The following CDH12 variants were observed in gnomAD, a reference collection of about 807,000 sequenced individuals.
The protein encoded by CDH12 is cadherin 12, also known as cadherin-12.
CDH12 carries 41 observed loss-of-function variants against 74.1 expected under a neutral mutation model. The ratio of observed to expected loss-of-function variants is 0.55; its 90% CI spans 0.43 to 0.72. The LOEUF is 0.72. Among genes scored for constraint, CDH12 ranks in the 30% least tolerant of loss-of-function variants. The pLI is 0.00. For missense variants in CDH12, 945 were observed against 977.2 expected (o/e 0.97, Z 0.44); for synonymous variants, 399 against 355.0 (o/e 1.12, Z -1.39).
chr5:22,772,685 A>G (rs146731412), intron 1 of CDH12, among the ~76,000 whole-genome samples: 6 of 152,202 alleles, frequency 3.9e-5, no homozygotes, highest in Non-Finnish European at 7.4e-5. Context: ...ATGAGAGCAA[A>G]ATTTTACGCA....
intron 3 of CDH12, among the ~76,000 whole-genome samples, chr5:22,363,186 T>C (rs947106327): frequency 3.9e-5 from 6 of 152,106 alleles, no homozygotes; most frequent in African/African-American, 1.4e-4. Flanking sequence ...AATTGGTAAC[T>C]AAAGTAAAAT....
chr5:22,781,694 T>C (rs1030021713), intron 1 of CDH12, among the ~76,000 whole-genome samples: 10 of 152,292 alleles, frequency 6.6e-5, no homozygotes, highest in South Asian at 4.1e-4. Context: ...AATCTATTAA[T>C]TTCCCCTGCT....
In CDH12 at chr5:22,639,167, A is replaced by AAGGATACTTC. The variant is rs1299403783; in HGVS notation, c.-522-133813_-522-133804dup. On this transcript the variant is annotated intron_variant, in intron 1 of 14. Coordinates refer to ENST00000382254, the MANE Select transcript of CDH12 (RefSeq NM_004061.5). ...GTTAGCTATGAAGAGGATTAGTGGA[A>AAGGATACTTC]AGGATACTTCAGGGACTGAGGATAG... 2.0e-5 allele frequency among the ~76,000 whole-genome samples: 3 copies of AAGGATACTTC among 151,536 alleles called. No individual in the cohort carries two copies. In the East Asian group the frequency reaches 5.8e-4, roughly 29 times the overall value.
At position 22,175,314 on chromosome 5, in the gene CDH12, A is replaced by G. The variant is rs561193367; in HGVS notation, c.-187+37184T>C. Among the ~76,000 whole-genome samples the G allele has an allele frequency of 4.6e-5, 7 of 151,880 alleles. No homozygotes were observed. In the South Asian group the frequency reaches 1.5e-3, roughly 31 times the overall value. On this transcript the variant is annotated intron_variant, in intron 4 of 14. Transcript: ENST00000382254. ...TTTTCTTCTTCACAAATAGTAAACCATCTATCCATGTCAGATGTAGAAAAA... is the reference window on the plus strand; with the variant it reads ...TTTTCTTCTTCACAAATAGTAAACCGTCTATCCATGTCAGATGTAGAAAAA...
intron 2 of CDH12, among the ~76,000 whole-genome samples, chr5:22,489,958 G>A (rs905742745): frequency 6.6e-6 from 1 of 152,114 alleles, no homozygotes; most frequent in African/African-American, 2.4e-5. Flanking sequence ...GGGATTACAG[G>A]TGTGAGACAC....
intron 1 of CDH12, among the ~76,000 whole-genome samples, chr5:22,667,336 C>G (rs887384036): frequency 1.3e-5 from 2 of 152,132 alleles, no homozygotes; most frequent in East Asian, 3.9e-4. Flanking sequence ...GATGGTAGCT[C>G]CTTCTTGCTA....
intron 6 of CDH12, among the ~76,000 whole-genome samples, chr5:21,962,877 G>A (rs377575682): frequency 1.3e-5 from 2 of 152,148 alleles, no homozygotes; most frequent in Non-Finnish European, 2.9e-5. Context: ...TGTTACTACT[G>A]ATATCTTATT....
At chr5:22,576,811 G>C (rs560229591) in intron 1 of CDH12, among the ~76,000 whole-genome samples, 19 of 152,214 alleles carry the variant, frequency 1.2e-4, no homozygotes, top group African/African-American at 4.6e-4. Flanking sequence ...ATTGGGAGTA[G>C]AGACATGGTA....
chr5:22,607,335 C>T (rs1476465544), intron 1 of CDH12, among the ~76,000 whole-genome samples: 1 of 152,130 alleles, frequency 6.6e-6, no homozygotes, highest in Non-Finnish European at 1.5e-5. Flanking sequence ...CCATTTCACA[C>T]TGCTGATAAA....
chr5:22,267,381 T>A (rs917344195), intron 3 of CDH12, among the ~76,000 whole-genome samples: 10 of 152,146 alleles, frequency 6.6e-5, no homozygotes, highest in Non-Finnish European at 8.8e-5. Flanking sequence ...GATAAACATT[T>A]ATGATTAGTG....
chr5:22,744,824 TG>T (rs1335385101), intron 1 of CDH12, among the ~76,000 whole-genome samples: 1 of 152,060 alleles, frequency 6.6e-6, no homozygotes, highest in Non-Finnish European at 1.5e-5. Flanking sequence ...CATGATAGAG[TG>T]CCCTTACCAG....
intron 5 of CDH12, among the ~76,000 whole-genome samples, chr5:22,053,519 C>A (rs1331656866): frequency 6.6e-6 from 1 of 150,720 alleles, no homozygotes; most frequent in African/African-American, 2.5e-5. Flanking sequence ...ATCACGGTGG[C>A]TGCCATTCTG....
At chr5:22,226,177 T>C (rs34098235) in intron 3 of CDH12, among the ~76,000 whole-genome samples, 57,618 of 151,364 alleles carry the variant, frequency 0.38, 11,352 homozygotes, top group East Asian at 0.49. Flanking sequence ...AGGGCGGACC[T>C]CTCTATTCTC....
intron 2 of CDH12, among the ~76,000 whole-genome samples, chr5:22,425,172 AAT>A (rs1491328055): frequency 1.2e-4 from 10 of 83,436 alleles, no homozygotes; most frequent in Non-Finnish European, 2.0e-4. Context: ...TATATATATA[AAT>A]ATATATATAT....
chr5:22,271,873 T>A (rs532178156), intron 3 of CDH12, among the ~76,000 whole-genome samples: 7 of 152,224 alleles, frequency 4.6e-5, no homozygotes, highest in African/African-American at 1.7e-4. Context: ...ATGCTATCAC[T>A]CAGATTTTGT....
chr5:22,339,094 G>T (rs181677437), intron 3 of CDH12, among the ~76,000 whole-genome samples: 1 of 152,190 alleles, frequency 6.6e-6, no homozygotes, highest in Non-Finnish European at 1.5e-5. Flanking sequence ...CAGCCAAGCT[G>T]CACCCAGACT....
intron 5 of CDH12, among the ~76,000 whole-genome samples, chr5:22,053,752 C>G (rs1477209076): frequency 6.6e-6 from 1 of 152,100 alleles, no homozygotes; most frequent in Non-Finnish European, 1.5e-5. Flanking sequence ...GTAATTATGA[C>G]TAACGTTAGA....
intron 5 of CDH12, among the ~76,000 whole-genome samples, chr5:22,017,133 AT>A (rs1029715530): frequency 1.3e-5 from 2 of 151,612 alleles, no homozygotes; most frequent in Non-Finnish European, 2.9e-5. Context: ...CCCTTGACTC[AT>A]TTTTTTTCTC....
intron 5 of CDH12, among the ~76,000 whole-genome samples, chr5:22,053,485 G>A (rs1448750441): frequency 1.3e-5 from 2 of 151,794 alleles, no homozygotes; most frequent in African/African-American, 2.4e-5. Context: ...TGTTATCCCG[G>A]CTATGCAGGT....
Sources: gnomAD v4.1 joint callset for allele counts (sites outside exome capture counted in the v4.1 genomes callset) on GRCh38, gnomAD v4.1.1 for gene constraint, MANE v1.5 for transcripts, NCBI Gene and HGNC (gene_info 2026-07-23, HGNC 2026-07-21) for gene names.